Variants in DIAPH3 observed in about 807,000 individuals in gnomAD.
The protein encoded by DIAPH3 is protein diaphanous homolog 3.
DIAPH3 carries 117 observed loss-of-function variants against 144.3 expected under a neutral mutation model. The observed-to-expected ratio is 0.81, with a 90% CI of 0.70 to 0.95. The LOEUF is 0.95. Ranked by LOEUF, DIAPH3 falls within the 40% of genes least tolerant of loss-of-function variation. The probability of loss-of-function intolerance (pLI) is 0.00; values close to 1 mark genes in which losing one functional copy is unlikely to be tolerated. For synonymous variants in DIAPH3, 519 were observed against 488.9 expected, an observed-to-expected ratio of 1.06 and a Z score of -0.81; for missense variants, 1,421 against 1,412.7, an observed-to-expected ratio of 1.01 and a Z score of -0.09.
chr13:59,931,167 C>T (rs911259409), intron 17 of DIAPH3, among the ~76,000 whole-genome samples: 6 of 152,160 alleles, frequency 3.9e-5, no homozygotes, highest in African/African-American at 9.7e-5. Flanking sequence ...TACTATTCCC[C>T]TCACGATAAT....
At chr13:60,037,883 A>T (rs1566693987) in intron 5 of DIAPH3, among the ~76,000 whole-genome samples, 2 of 152,102 alleles carry the variant, frequency 1.3e-5, no homozygotes, top group African/African-American at 4.8e-5. Flanking sequence ...TATGAAAATG[A>T]TTAGTTGGGA....
chr13:59,746,011 A>G (rs1053069709), intron 27 of DIAPH3, among the ~76,000 whole-genome samples: 2 of 152,164 alleles, frequency 1.3e-5, no homozygotes, highest in South Asian at 2.1e-4. Flanking sequence ...CTTTTTAAAC[A>G]ATGTTTACAT....
chr13:59,953,588 T>C (rs1221240439), intron 17 of DIAPH3, among the ~76,000 whole-genome samples: 26 of 151,800 alleles, frequency 1.7e-4, no homozygotes, highest in Non-Finnish European at 1.5e-5. Flanking sequence ...CAAGGATAAA[T>C]GATGAGGACA....
chr13:59,825,287 G>A (rs1331182099), intron 24 of DIAPH3, among the ~76,000 whole-genome samples: 2 of 152,030 alleles, frequency 1.3e-5, no homozygotes, highest in South Asian at 4.1e-4. Context: ...AACATATGGT[G>A]TTTGGTTTTT....
intron 27 of DIAPH3, among the ~76,000 whole-genome samples, chr13:59,721,965 A>G (rs2035366946): frequency 6.6e-6 from 1 of 152,242 alleles, no homozygotes; most frequent in Non-Finnish European, 1.5e-5. Flanking sequence ...CTCTTTCAGA[A>G]GCTGGGCTTT....
chr13:59,739,871 G>C (rs1053043110), intron 27 of DIAPH3, among the ~76,000 whole-genome samples: 1 of 152,016 alleles, frequency 6.6e-6, no homozygotes, highest in Non-Finnish European at 1.5e-5. Context: ...AGAAAAAAAA[G>C]TTCTAGAAAG....
chr13:60,127,084 G>C (rs2059011534), intron 2 of DIAPH3, among the ~76,000 whole-genome samples: 1 of 151,796 alleles, frequency 6.6e-6, no homozygotes, highest in Admixed American at 6.6e-5. Flanking sequence ...CAATAAAACT[G>C]GCAAACCTCT....
At chr13:60,148,715 T>A (rs1214427784) in intron 1 of DIAPH3, among the ~76,000 whole-genome samples, 1 of 152,194 alleles carries the variant, frequency 6.6e-6, no homozygotes, top group African/African-American at 2.4e-5. Context: ...AGAAGTCATA[T>A]AGGGTGAGGC....
Position 60,112,142 on chromosome 13 carries a change from CTCTT to C in DIAPH3, c.254_257del (p.Lys85ArgfsTer8), listed in dbSNP as rs763177329. 15 of 1,614,116 alleles carry C rather than the reference CTCTT, an allele frequency of 9.3e-6. No homozygotes were observed. The South Asian group carries it at 9.9e-5, about 11-fold the overall frequency. On this transcript the variant is annotated frameshift_variant, in exon 3 of 28. Coordinates refer to ENST00000400324, the MANE Select transcript of DIAPH3 (RefSeq NM_001042517.2). LOFTEE classifies it high-confidence loss of function. ...TCTTCAGGTTGGGAAGTGGAGGTCTCTCTTTCTTGCTCCCTGGAATTCTTATGCT... is the reference window on the plus strand; with the variant it reads ...TCTTCAGGTTGGGAAGTGGAGGTCTCTCTTGCTCCCTGGAATTCTTATGCT...
chr13:59,670,640 T>C (rs1166703249), intron 27 of DIAPH3, among the ~76,000 whole-genome samples: 1 of 150,098 alleles, frequency 6.7e-6, no homozygotes, highest in African/African-American at 2.5e-5. Flanking sequence ...TGGAGTGCAG[T>C]GGCGGGATCT....
At chr13:59,710,024 T>G in intron 27 of DIAPH3, among the ~76,000 whole-genome samples, 3 of 151,420 alleles carry the variant, frequency 2.0e-5, no homozygotes, top group African/African-American at 7.3e-5. Context: ...ATATTCTCAC[T>G]CATAGGTGGG....
At chr13:59,801,275 G>A (rs2039886635) in intron 25 of DIAPH3, among the ~76,000 whole-genome samples, 1 of 152,124 alleles carries the variant, frequency 6.6e-6, no homozygotes, top group Non-Finnish European at 1.5e-5. Context: ...AGGCTACTTT[G>A]CAGTTAAGTT....
intron 3 of DIAPH3, among the ~76,000 whole-genome samples, chr13:60,103,890 T>C (rs1051784583): frequency 1.3e-5 from 2 of 152,190 alleles, no homozygotes; most frequent in Admixed American, 1.3e-4. Flanking sequence ...AATTCATCTT[T>C]GACATCACAC....
At chr13:59,684,746 TA>T (rs2033126394) in intron 27 of DIAPH3, among the ~76,000 whole-genome samples, 1 of 152,180 alleles carries the variant, frequency 6.6e-6, no homozygotes, top group Admixed American at 6.5e-5. Flanking sequence ...GCTTTGGGAA[TA>T]ATTGATCAAC....
intron 20 of DIAPH3, among the ~76,000 whole-genome samples, chr13:59,889,073 C>T (rs1232986379): frequency 6.6e-6 from 1 of 151,970 alleles, no homozygotes; most frequent in Non-Finnish European, 1.5e-5. Context: ...TTTTACTAGG[C>T]TGTGCCATGA....
At chr13:59,847,158 C>T (rs1203616633) in intron 22 of DIAPH3, among the ~76,000 whole-genome samples, 2 of 152,186 alleles carry the variant, frequency 1.3e-5, no homozygotes, top group African/African-American at 4.8e-5. Context: ...CCTTGACTTA[C>T]CTGACTCAGA....
At chr13:59,754,403 C>T (rs2037157727) in intron 27 of DIAPH3, among the ~76,000 whole-genome samples, 1 of 152,136 alleles carries the variant, frequency 6.6e-6, no homozygotes, top group African/African-American at 2.4e-5. Flanking sequence ...ATACTAGCTA[C>T]TTTATTCTTT....
intron 1 of DIAPH3, among the ~76,000 whole-genome samples, chr13:60,159,232 G>T (rs1468553995): frequency 6.6e-6 from 1 of 152,058 alleles, no homozygotes; most frequent in East Asian, 1.9e-4. Context: ...TTAATTAAAG[G>T]CATCACTAAT....
chr13:59,994,735 C>G (rs1205830095), intron 9 of DIAPH3, among the ~76,000 whole-genome samples: 2 of 151,768 alleles, frequency 1.3e-5, no homozygotes, highest in Non-Finnish European at 2.9e-5. Context: ...CTTTAAATTA[C>G]AAGCAATTCA....
Sources: gnomAD v4.1 joint callset for allele counts (sites outside exome capture counted in the v4.1 genomes callset) on GRCh38, gnomAD v4.1.1 for gene constraint, MANE v1.5 for transcripts, NCBI Gene and HGNC (gene_info 2026-07-23, HGNC 2026-07-21) for gene names.